CDH8: variants seen among roughly 807,000 people sequenced by gnomAD.
The protein encoded by CDH8 is cadherin 8.
In CDH8, 17 loss-of-function variants were observed where a neutral mutation model predicts 68.1. The ratio of observed to expected loss-of-function variants is 0.25; its 90% CI spans 0.17 to 0.37. The LOEUF (loss-of-function observed/expected upper bound fraction) is 0.37, where lower values mean the gene tolerates loss of function less well. Among genes scored for constraint, CDH8 ranks in the 10% least tolerant of loss-of-function variants. The probability of loss-of-function intolerance (pLI) is 1.00; values close to 1 mark genes in which losing one functional copy is unlikely to be tolerated. For synonymous variants in CDH8, 372 were observed against 365.1 expected, an observed-to-expected ratio of 1.02 and a Z score of -0.21; for missense variants, 763 against 999.3, an observed-to-expected ratio of 0.76 and a Z score of 3.19.
At position 61,663,261 on chromosome 16, in the gene CDH8, T is replaced by G. The variant is rs559413088; in HGVS notation, c.1655-7540A>C. 9.2e-5 allele frequency among the ~76,000 whole-genome samples: 14 copies of G among 152,190 alleles called. 1 individual carries two copies. The East Asian group carries it at 1.7e-3, about 19-fold the overall frequency. On this transcript the variant is annotated intron_variant, in intron 10 of 11. Transcript: ENST00000577390. ...AGTTATGTAAATATGTATGAACTTT[T>G]ATTCAGATTATGATAACAGATTGAT...
intron 9 of CDH8, among the ~76,000 whole-genome samples, chr16:61,718,024 TGA>T (rs1964764001): frequency 6.6e-6 from 1 of 151,366 alleles, no homozygotes; most frequent in South Asian, 2.1e-4. Context: ...TACGTATGTG[TGA>T]GTGTGTATAA....
intron 2 of CDH8, among the ~76,000 whole-genome samples, chr16:62,010,215 A>G (rs1043768657): frequency 6.6e-6 from 1 of 152,252 alleles, no homozygotes; most frequent in Non-Finnish European, 1.5e-5. Context: ...AATTAGAGAA[A>G]CATCTCTCAT....
intron 3 of CDH8, among the ~76,000 whole-genome samples, chr16:61,892,484 T>A (rs1963795284): frequency 6.6e-6 from 1 of 152,198 alleles, no homozygotes; most frequent in Non-Finnish European, 1.5e-5. Flanking sequence ...AAAAGCAGTT[T>A]CACTTTCTTT....
intron 3 of CDH8, among the ~76,000 whole-genome samples, chr16:61,893,256 T>C (rs977861789): frequency 3.9e-5 from 6 of 152,142 alleles, no homozygotes; most frequent in Middle Eastern, 3.2e-3. Flanking sequence ...CACCGATCAT[T>C]GGACTTAGGG....
chr16:62,019,045 T>C (rs143465682), intron 2 of CDH8, among the ~76,000 whole-genome samples: 4 of 152,324 alleles, frequency 2.6e-5, no homozygotes, highest in African/African-American at 7.2e-5. Context: ...ATTTACATTA[T>C]GCAAGACACA....
At chr16:61,989,753 C>G (rs1965685755) in intron 2 of CDH8, among the ~76,000 whole-genome samples, 1 of 152,140 alleles carries the variant, frequency 6.6e-6, no homozygotes, top group Non-Finnish European at 1.5e-5. Context: ...CCTTTGTATT[C>G]CTGCTCAAAC....
At chr16:61,898,089 C>G (rs1597050259) in intron 3 of CDH8, among the ~76,000 whole-genome samples, 1 of 152,188 alleles carries the variant, frequency 6.6e-6, no homozygotes, top group South Asian at 2.1e-4. Context: ...ATCACGAGGT[C>G]AGGAGTTCAA....
At chr16:61,667,917 T>C (rs1321657040) in intron 10 of CDH8, among the ~76,000 whole-genome samples, 1 of 152,060 alleles carries the variant, frequency 6.6e-6, no homozygotes, top group Admixed American at 6.6e-5. Context: ...TTCTACACTC[T>C]GCCTTTGTCA....
At chr16:61,739,917 T>TA in intron 8 of CDH8, among the ~76,000 whole-genome samples, 1 of 89,760 alleles carries the variant, frequency 1.1e-5, no homozygotes, top group Non-Finnish European at 2.3e-5. Context: ...ATATATGTAT[T>TA]TTTTTTTTTG....
intron 2 of CDH8, among the ~76,000 whole-genome samples, chr16:62,008,428 C>T (rs1424344502): frequency 6.6e-6 from 1 of 151,980 alleles, no homozygotes; most frequent in Non-Finnish European, 1.5e-5. Flanking sequence ...TTTGGTCTTT[C>T]AGCTTTTTTT....
intron 2 of CDH8, among the ~76,000 whole-genome samples, chr16:61,968,056 C>T (rs1257100339): frequency 2.6e-5 from 4 of 152,126 alleles, no homozygotes; most frequent in South Asian, 2.1e-4. Flanking sequence ...GCGATCCACC[C>T]GCTTTGGCCT....
At chr16:61,753,384 C>T (rs1025283863) in intron 8 of CDH8, among the ~76,000 whole-genome samples, 1 of 152,000 alleles carries the variant, frequency 6.6e-6, no homozygotes, top group African/African-American at 2.4e-5. Context: ...GGACTACAGG[C>T]ATGTGCCACC....
chr16:61,929,368 T>C (rs1964504567), intron 2 of CDH8, among the ~76,000 whole-genome samples: 1 of 152,200 alleles, frequency 6.6e-6, no homozygotes. Flanking sequence ...CTCTTTCTCT[T>C]AACCATGTGA....
At chr16:61,788,770 AATGT>A (rs760448798) in intron 8 of CDH8, among the ~76,000 whole-genome samples, 16 of 152,024 alleles carry the variant, frequency 1.1e-4, no homozygotes, top group Admixed American at 2.6e-4. Flanking sequence ...GTTTTCACAA[AATGT>A]ATGAAAAAAA....
chr16:61,703,315 C>A (rs12596855), intron 10 of CDH8, among the ~76,000 whole-genome samples: 94,594 of 151,934 alleles, frequency 0.62, 31,047 homozygotes, highest in African/African-American at 0.84. Context: ...ACCTACTCAA[C>A]ATGTGAACTT....
rs951517856 is a variant in CDH8 at position 61,648,774 on chromosome 16, C to G, written c.*4834G>C. The G allele has an allele frequency of 6.6e-6, 1 of 151,862 alleles. No individual in the cohort carries two copies. The allele number at this position is 151,862 out of a possible 1,614,324, so 9.4% of individuals were successfully genotyped here. A position where few individuals can be genotyped will look rare whatever the true frequency, so the allele number is the denominator to read the frequency against. On this transcript the variant is annotated 3_prime_UTR_variant, in exon 12 of 12. Transcript: ENST00000577390. The stretch of plus-strand genomic sequence containing the variant: ...CTCAATAAATGTGACAGACAAAATT[C>G]TTTTTCCTCAGATAGTCCATCAAGT...
intron 2 of CDH8, among the ~76,000 whole-genome samples, chr16:61,996,750 A>G (rs1378301988): frequency 6.6e-6 from 1 of 152,108 alleles, no homozygotes. Context: ...ATTCATTTAT[A>G]TTTATTTTTT....
rs536109874 is a variant in CDH8 at position 61,864,291 on chromosome 16, CCGGT to C, written c.548-7057_548-7054del. Among the ~76,000 whole-genome samples, 234 of 135,328 alleles carry C rather than the reference CCGGT, an allele frequency of 1.7e-3. 2 individuals are homozygous for C. The highest frequency in any genetic ancestry group is 5.8e-3 in the African/African-American group (191 of 32,998). The allele number at this position is 135,328 out of a possible 152,430, so 88.8% of individuals were successfully genotyped here. A position where few individuals can be genotyped will look rare whatever the true frequency, so the allele number is the denominator to read the frequency against. Reference sequence around the variant, plus strand: ...GTTGGTTGGTTGGTTGGCTGGATGTCCGGTTGGTTGGTTGGTTGGTTGGTTGGTT... The same window carrying C: ...GTTGGTTGGTTGGTTGGCTGGATGTCTGGTTGGTTGGTTGGTTGGTTGGTT... On this transcript the variant is annotated intron_variant, in intron 3 of 11. Coordinates refer to ENST00000577390, the MANE Select transcript of CDH8 (RefSeq NM_001796.5).
At chr16:61,758,443 T>C (rs1024436725) in intron 8 of CDH8, among the ~76,000 whole-genome samples, 1 of 152,132 alleles carries the variant, frequency 6.6e-6, no homozygotes, top group African/African-American at 2.4e-5. Flanking sequence ...TTTGTTTTGT[T>C]TTGTTTGAGA....
Sources: gnomAD v4.1 joint callset for allele counts (sites outside exome capture counted in the v4.1 genomes callset) on GRCh38, gnomAD v4.1.1 for gene constraint, MANE v1.5 for transcripts, NCBI Gene and HGNC (gene_info 2026-07-23, HGNC 2026-07-21) for gene names.